The following SLC35F4 variants were observed in gnomAD, a reference collection of about 807,000 sequenced individuals.
SLC35F4 encodes solute carrier family 35 member F4.
In SLC35F4, 24 loss-of-function variants were observed where a neutral mutation model predicts 44.2. The observed-to-expected ratio is 0.54, with a 90% CI of 0.39 to 0.76. The LOEUF (loss-of-function observed/expected upper bound fraction) is 0.76, where lower values mean the gene tolerates loss of function less well. SLC35F4 is among the 30% of genes least tolerant of loss of function. The pLI is 0.00. For missense variants in SLC35F4, 562 were observed against 586.1 expected, an observed-to-expected ratio of 0.96 and a Z score of 0.42; for synonymous variants, 238 against 223.6, an observed-to-expected ratio of 1.06 and a Z score of -0.57.
chr14:57,753,849 C>A (rs2076938264), intron 1 of SLC35F4, among the ~76,000 whole-genome samples: 1 of 152,000 alleles, frequency 6.6e-6, no homozygotes, highest in African/African-American at 2.4e-5. Flanking sequence ...CCATTTGGCC[C>A]TTTTCTTATA....
chr14:57,819,538 G>A (rs1882941151), intron 1 of SLC35F4, among the ~76,000 whole-genome samples: 1 of 151,988 alleles, frequency 6.6e-6, no homozygotes. Context: ...GGGCACAGTG[G>A]CTCACGCCTG....
At chr14:57,749,302 C>T (rs1169499798) in intron 1 of SLC35F4, among the ~76,000 whole-genome samples, 2 of 152,072 alleles carry the variant, frequency 1.3e-5, no homozygotes, top group African/African-American at 4.8e-5. Flanking sequence ...GTATCTGTTA[C>T]CAGACTGCAA....
intron 1 of SLC35F4, among the ~76,000 whole-genome samples, chr14:57,907,088 T>G (rs1889115460): frequency 6.6e-6 from 1 of 152,202 alleles, no homozygotes; most frequent in Non-Finnish European, 1.5e-5. Context: ...AAGATTTATT[T>G]ATTTGATTTT....
At chr14:57,758,407 A>T (rs1172588366) in intron 1 of SLC35F4, among the ~76,000 whole-genome samples, 8 of 152,022 alleles carry the variant, frequency 5.3e-5, no homozygotes, top group Non-Finnish European at 1.0e-4. Flanking sequence ...CTATTGTTAT[A>T]ACTTCAAGTT....
intron 1 of SLC35F4, chr14:57,630,679 G>A (rs2224713): frequency 0.71 from 443,000 of 626,604 alleles, 161,059 homozygotes; most frequent in Middle Eastern, 0.8. Context: ...CCTATGCTCA[G>A]TGGCCATTGA....
upstream of SLC35F4, among the ~76,000 whole-genome samples, chr14:57,870,310 A>G (rs1888270325): frequency 6.6e-6 from 1 of 152,032 alleles, no homozygotes; most frequent in Admixed American, 6.5e-5. Context: ...TGTACTCGGC[A>G]GTACAGCACA....
At chr14:57,863,647 C>A (rs934662609) in intron 1 of SLC35F4, among the ~76,000 whole-genome samples, 1 of 152,168 alleles carries the variant, frequency 6.6e-6, no homozygotes, top group Non-Finnish European at 1.5e-5. Context: ...CTAGTTGAAG[C>A]CTGCATTAGG....
At position 57,616,244 on chromosome 14, in the gene SLC35F4, AGAAT is replaced by A. The variant is rs565078740; in HGVS notation, c.104-22124_104-22121del. On this transcript the variant is annotated intron_variant, in intron 1 of 7. Coordinates refer to ENST00000556826, the MANE Select transcript of SLC35F4 (RefSeq NM_001306087.2). ...ATAGTATTTTTCTTGATCCACTTAG[AGAAT>A]ATCAACCAACAGAATTCTCATAACA... 7.2e-5 allele frequency among the ~76,000 whole-genome samples: 11 copies of A among 152,312 alleles called. No homozygotes were observed. In the East Asian group the frequency reaches 1.7e-3, roughly 24 times the overall value.
chr14:57,630,347 G>A (rs906194733), intron 1 of SLC35F4: 12 of 595,478 alleles, frequency 2.0e-5, no homozygotes, highest in South Asian at 5.1e-5. Flanking sequence ...ACAGTAGACC[G>A]ACTGGAAGAC....
intron 1 of SLC35F4, among the ~76,000 whole-genome samples, chr14:57,613,924 T>A (rs138925177): frequency 1.3e-3 from 197 of 152,356 alleles, no homozygotes; most frequent in African/African-American, 4.6e-3. Flanking sequence ...TGTTATTATG[T>A]ATTTTATTTG....
At chr14:57,876,301 G>A (rs773548002) in intron 1 of SLC35F4, among the ~76,000 whole-genome samples, 8 of 151,972 alleles carry the variant, frequency 5.3e-5, no homozygotes, top group Non-Finnish European at 7.3e-5. Context: ...CCTTTGTGGG[G>A]GCATTTATCA....
chr14:57,750,860 TGTG>T (rs2076867868), intron 1 of SLC35F4, among the ~76,000 whole-genome samples: 1 of 152,186 alleles, frequency 6.6e-6, no homozygotes, highest in Non-Finnish European at 1.5e-5. Flanking sequence ...CAGTTTCACT[TGTG>T]GTGGTTAACT....
At chr14:57,971,199 T>C (rs965796150) in intron 1 of SLC35F4, among the ~76,000 whole-genome samples, 1 of 152,244 alleles carries the variant, frequency 6.6e-6, no homozygotes, top group Non-Finnish European at 1.5e-5. Flanking sequence ...TATTAGAATG[T>C]ACATAGGTTC....
intron 1 of SLC35F4, among the ~76,000 whole-genome samples, chr14:57,754,810 G>A (rs2076959129): frequency 6.6e-6 from 1 of 152,256 alleles, no homozygotes; most frequent in African/African-American, 2.4e-5. Flanking sequence ...GAGGAAACCA[G>A]GAGGCAGAGA....
chr14:57,588,831 A>G (rs1466471103), intron 3 of SLC35F4, among the ~76,000 whole-genome samples: 1 of 152,220 alleles, frequency 6.6e-6, no homozygotes, highest in Non-Finnish European at 1.5e-5. Flanking sequence ...ATGTTCTTAT[A>G]AAACACGACT....
chr14:57,862,512 C>A (rs1887766801), intron 1 of SLC35F4, among the ~76,000 whole-genome samples: 1 of 152,190 alleles, frequency 6.6e-6, no homozygotes, highest in South Asian at 2.1e-4. Context: ...CCTCAGTGAC[C>A]TCATCTCCAA....
At chr14:57,644,138 T>A (rs984184622) in intron 1 of SLC35F4, among the ~76,000 whole-genome samples, 5 of 152,172 alleles carry the variant, frequency 3.3e-5, no homozygotes, top group Admixed American at 3.3e-4. Flanking sequence ...TACCCAGTAA[T>A]GGGATGGCTG....
At chr14:57,671,007 C>T (rs1415947096) in intron 1 of SLC35F4, among the ~76,000 whole-genome samples, 1 of 147,932 alleles carries the variant, frequency 6.8e-6, no homozygotes, top group East Asian at 2.0e-4. Context: ...CGGGTTCAAG[C>T]GGTTATCCTG....
At chr14:57,626,913 GA>G (rs1289618834) in intron 1 of SLC35F4, among the ~76,000 whole-genome samples, 2 of 152,052 alleles carry the variant, frequency 1.3e-5, no homozygotes, top group Non-Finnish European at 2.9e-5. Context: ...TTTCCCTTTT[GA>G]AAAGTTTTTT....
Sources: allele counts gnomAD v4.1 joint callset (sites outside exome capture counted in the v4.1 genomes callset), GRCh38; gene constraint gnomAD v4.1.1; transcripts MANE v1.5; gene names NCBI Gene and HGNC (gene_info 2026-07-23, HGNC 2026-07-21).